The following TRPM5 variants were observed in gnomAD, a reference collection of about 807,000 sequenced individuals.
The protein encoded by TRPM5 is transient receptor potential cation channel subfamily M member 5, also known as MLSN1 and TRP-related.
A neutral mutation model predicts 124.9 loss-of-function variants in TRPM5; 121 were observed. That is an observed-to-expected ratio of 0.97 (90% CI 0.84 to 1.13). The LOEUF (loss-of-function observed/expected upper bound fraction) is 1.13, where lower values mean the gene tolerates loss of function less well. Ranked by LOEUF, TRPM5 falls within the 50% of genes most tolerant of loss-of-function variation. The pLI is 0.00. For synonymous variants in TRPM5, 781 were observed against 700.5 expected, an observed-to-expected ratio of 1.11 and a Z score of -1.81; for missense variants, 1,643 against 1,589.1, an observed-to-expected ratio of 1.03 and a Z score of -0.58.
chr11:2,437,356 C>A, the TRPM5 span, among the ~76,000 whole-genome samples: 1 of 152,084 alleles, frequency 6.6e-6, no homozygotes, highest in Non-Finnish European at 1.5e-5. The surrounding 1 kb of genome is among the most constrained non-coding windows in gnomAD (Gnocchi z 5.6). Context: ...GAGAAAATTG[C>A]CTTGGTGGGG....
At chr11:2,414,883 G>A (rs748102347) in intron 10 of TRPM5, 24 bp downstream of exon 15, 24 of 1,595,774 alleles carry the variant, frequency 1.5e-5, no homozygotes, top group Middle Eastern at 1.7e-4. Context: ...CTGCCCCCGC[G>A]CTGGGCCCGC....
the TRPM5 span, among the ~76,000 whole-genome samples, chr11:2,434,226 CTG>C: frequency 1.1e-4 from 16 of 149,890 alleles, 1 homozygote; most frequent in East Asian, 2.4e-3. Flanking sequence ...TGTGTGGACG[CTG>C]TGAGTGCATG....
At chr11:2,434,720 C>CTG in the TRPM5 span, among the ~76,000 whole-genome samples, 4 of 151,270 alleles carry the variant, frequency 2.6e-5, no homozygotes, top group South Asian at 8.3e-4. Context: ...TGTGTGGACA[C>CTG]TGTGTGTGTG....
chr11:2,405,523 T>G lies in TRPM5; in HGVS notation c.3391+4A>C, dbSNP rs1397003842. The G allele has an allele frequency of 6.4e-7, 1 of 1,556,816 alleles. No individual in the cohort carries two copies. Among genetic ancestry groups the G allele is most frequent in the African/African-American group, 1.4e-5 (1 of 73,530 alleles). Reference sequence around the variant, plus strand: ...CTCATCCCACGCTCCCCAAACAGGCTTACTCCGGGGGCCGCCACCCTGGGC... The same window carrying G: ...CTCATCCCACGCTCCCCAAACAGGCGTACTCCGGGGGCCGCCACCCTGGGC... On this transcript the variant is annotated splice_donor_region_variant and intron_variant, in intron 23 of 23. Coordinates refer to ENST00000155858, the Ensembl canonical transcript of TRPM5.
At chr11:2,441,415 C>G in the TRPM5 span, among the ~76,000 whole-genome samples, 128 of 152,252 alleles carry the variant, frequency 8.4e-4, no homozygotes, top group African/African-American at 2.8e-3. This position sits in a 1 kb window ranked among gnomAD's most constrained non-coding sequence, Gnocchi z 7.2. Flanking sequence ...ACCCTCAGCC[C>G]TTGGCCTCAC....
At chr11:2,442,376 TACACACACAC>T in the TRPM5 span, among the ~76,000 whole-genome samples, 860 of 141,244 alleles carry the variant, frequency 6.1e-3, 8 homozygotes, top group African/African-American at 0.018. The surrounding 1 kb of genome is among the most constrained non-coding windows in gnomAD (Gnocchi z 5.9). Flanking sequence ...CATTCTTTGA[TACACACACAC>T]ACACACACAC....
chr11:2,429,343 G>A, the TRPM5 span, among the ~76,000 whole-genome samples: 1 of 151,590 alleles, frequency 6.6e-6, no homozygotes, highest in Non-Finnish European at 1.5e-5. This position sits in a 1 kb window ranked among gnomAD's most constrained non-coding sequence, Gnocchi z 8.4. Flanking sequence ...GGGTGATGAT[G>A]ACAATGAGTA....
Position 2,405,043 on chromosome 11 carries a change from CCTG to C in TRPM5, c.3392-3_3392-1del. On this transcript the variant is annotated splice_acceptor_variant and splice_polypyrimidine_tract_variant and intron_variant, in intron 23 of 23. Transcript: ENST00000155858. LOFTEE classifies it high-confidence loss of function. ...GCTTCCCTCGCCACAGTGCTGAGAG[CCTG>C]CTGGGAAGGAAGGCCCCCCTGAGCG... The C allele has an allele frequency of 6.2e-7, 1 of 1,611,868 alleles. No individual in the cohort carries two copies. Among genetic ancestry groups the C allele is most frequent in the Non-Finnish European group, 8.5e-7 (1 of 1,179,426 alleles).
intron 12 of TRPM5, 22 bp from the exon 18 acceptor site, chr11:2,413,610 C>T (rs11605894): frequency 0.23 from 362,419 of 1,601,014 alleles, 42,118 homozygotes; most frequent in Middle Eastern, 0.33. Flanking sequence ...GCAAAACTGT[C>T]GGCTCCAACT....
chr11:2,421,270 C>T, intron 2 of TRPM5, 72 bp from the exon 8 acceptor site: 1 of 1,462,140 alleles, frequency 6.8e-7, no homozygotes, highest in Non-Finnish European at 9.0e-7. Flanking sequence ...ACGCCCTAAC[C>T]CCTAGGCCCA....
At chr11:2,407,186 G>C in exon 20 of TRPM5, 2 of 1,611,484 alleles carry the variant, frequency 1.2e-6, no homozygotes, top group South Asian at 1.1e-5. Context: ...TCAGGTGGCT[G>C]AGCAGGATGA....
In TRPM5 at chr11:2,412,967, G is replaced by A. The variant is rs776823215; in HGVS notation, c.2142C>T (p.Gly714=). The A allele has an allele frequency of 5.6e-6, 9 of 1,605,952 alleles. No homozygotes were observed. The East Asian group carries it at 2.0e-4, about 36-fold the overall frequency. Residue 714 remains glycine, a synonymous_variant, in exon 15 of 24, where the codon GGC becomes GGT. Coordinates refer to ENST00000155858, the Ensembl canonical transcript of TRPM5. ...GTGTGAGCAGGAAGACAGCACGTGGGCCTCGGTCACCCTGAGCCCTCGGCG... is the reference window on the plus strand; with the variant it reads ...GTGTGAGCAGGAAGACAGCACGTGGACCTCGGTCACCCTGAGCCCTCGGCG...
chr11:2,417,654 G>C (rs535622008), intron 7 of TRPM5, 73 bp downstream of exon 12: 4 of 1,275,504 alleles, frequency 3.1e-6, no homozygotes, highest in Non-Finnish European at 4.4e-6. Context: ...TGGCCAGGCT[G>C]CCAAACCCCA....
exon 19 of TRPM5, chr11:2,407,806 C>G (rs1206101546): frequency 6.2e-7 from 1 of 1,613,920 alleles, no homozygotes; most frequent in Admixed American, 1.7e-5. Flanking sequence ...TGGTGACCAA[C>G]AGGAAGGTGA....
At chr11:2,411,680 G>T in exon 17 of TRPM5, 1 of 1,612,770 alleles carries the variant, frequency 6.2e-7, no homozygotes, top group East Asian at 2.2e-5. Context: ...GCTTGTGTAT[G>T]GCAAAGATAT....
chr11:2,404,340 C>T (rs1291247205), downstream of TRPM5, among the ~76,000 whole-genome samples: 2 of 152,178 alleles, frequency 1.3e-5, no homozygotes, highest in African/African-American at 2.4e-5. Flanking sequence ...CCACTGGTGC[C>T]AGCAGGGGCT....
At chr11:2,414,011 C>CCCCCCCCCCCCCCCCCCCCCCCA in intron 12 of TRPM5, 50 bp downstream of exon 17, 1 of 482,248 alleles carries the variant, frequency 2.1e-6, no homozygotes, top group Non-Finnish European at 4.1e-6. Context: ...CCCAGCTCGC[C>CCCCCCCCCCCCCCCCCCCCCCCA]CGCCCACCCC....
At chr11:2,412,350 C>CAG (rs1850469938) in intron 15 of TRPM5, 97 bp from the exon 21 acceptor site, 160 of 935,790 alleles carry the variant, frequency 1.7e-4, no homozygotes, top group Middle Eastern at 3.0e-4. Flanking sequence ...GATCAGGGTT[C>CAG]CATCTATGAC....
At chr11:2,413,273 G>C in intron 13 of TRPM5, 47 bp from the exon 19 acceptor site, 1 of 1,485,756 alleles carries the variant, frequency 6.7e-7, no homozygotes, top group Non-Finnish European at 9.0e-7. Context: ...GCTCCCAGAG[G>C]CGCCTGCCTG....
Sources: allele counts gnomAD v4.1 joint callset (sites outside exome capture counted in the v4.1 genomes callset), GRCh38; gene constraint gnomAD v4.1.1; non-coding constraint Gnocchi (gnomAD v3.1); transcripts MANE v1.5; gene names NCBI Gene and HGNC (gene_info 2026-07-23, HGNC 2026-07-21).